RNF135: variants seen among roughly 807,000 people sequenced by gnomAD.
The protein encoded by RNF135 is E3 ubiquitin-protein ligase RNF135.
RNF135 carries 46 observed loss-of-function variants against 41.9 expected under a neutral mutation model. The ratio of observed to expected loss-of-function variants is 1.10; its 90% CI spans 0.87 to 1.40. RNF135 has a LOEUF of 1.40. Ranked by LOEUF, RNF135 falls within the 40% of genes most tolerant of loss-of-function variation. RNF135 has a pLI of 0.00. For synonymous variants in RNF135, 238 were observed against 223.8 expected (o/e 1.06, Z -0.57); for missense variants, 539 against 549.8 (o/e 0.98, Z 0.20).
At position 30,993,153 on chromosome 17, in the gene RNF135, C is replaced by G. The variant is rs753912024; in HGVS notation, c.680-4089C>G. On this transcript the variant is annotated intron_variant, in intron 3 of 4. Transcript: ENST00000328381. ...TCGGCTCACCACAACCTCCGCCTCC[C>G]GGGTTCAAGCAATTCTCCTGCCTCA... Among the ~76,000 whole-genome samples the G allele has an allele frequency of 5.5e-4, 84 of 151,540 alleles. 1 individual carries two copies. The highest frequency in any genetic ancestry group is 9.9e-4 in the Admixed American group (15 of 15,204).
intron 1 of RNF135, among the ~76,000 whole-genome samples, chr17:30,978,066 T>TG (rs1240581763): frequency 1.3e-5 from 2 of 152,238 alleles, no homozygotes; most frequent in African/African-American, 4.8e-5. Context: ...CACTTTCTCC[T>TG]GGCCTATAAG....
upstream of RNF135, chr17:30,970,753 G>C (rs1446733589): frequency 2.4e-6 from 1 of 411,202 alleles, no homozygotes; most frequent in Non-Finnish European, 4.4e-6. Flanking sequence ...GACATCCAAC[G>C]GTGCTGCATC....
At chr17:30,984,219 C>A (rs1441508598) in intron 1 of RNF135, among the ~76,000 whole-genome samples, 1 of 152,102 alleles carries the variant, frequency 6.6e-6, no homozygotes, top group African/African-American at 2.4e-5. Flanking sequence ...TACAATAAAT[C>A]ATTGCCAAAT....
At chr17:30,968,408 CAG>C (rs1347978570), upstream of RNF135, among the ~76,000 whole-genome samples, 2 of 148,296 alleles carry the variant, frequency 1.3e-5, no homozygotes, top group Non-Finnish European at 3.0e-5. Flanking sequence ...TCTTTTGAGA[CAG>C]AGTCTTGCTC....
rs537909547 is a variant in RNF135 at position 30,971,600 on chromosome 17, G to A, written c.372+155G>A. 2.9e-5 allele frequency: 40 copies of A among 1,356,336 alleles called. No individual in the cohort carries two copies. The South Asian group carries it at 6.6e-4, about 22-fold the overall frequency. 84.0% of individuals were successfully genotyped at this position (1,356,336 alleles called of 1,614,324 possible). On this transcript the variant is annotated intron_variant, in intron 1 of 4. Coordinates refer to ENST00000328381, the MANE Select transcript of RNF135 (RefSeq NM_032322.4). ...AGTTCCGCTCTTCGGAGGCACTTTG[G>A]AAAGTTCATAAAAGTATGAAGAAGT...
chr17:30,987,822 T>C (rs1439521830), intron 2 of RNF135, 122 bp from the exon 3 acceptor site: 1 of 1,017,342 alleles, frequency 9.8e-7, no homozygotes, highest in African/African-American at 1.6e-5. Context: ...CCTAATTTTG[T>C]TTTTAAAAAC....
intron 3 of RNF135, among the ~76,000 whole-genome samples, chr17:30,989,199 G>T (rs1421593435): frequency 1.3e-5 from 2 of 151,704 alleles, no homozygotes; most frequent in African/African-American, 4.8e-5. Flanking sequence ...GAGAGATCCT[G>T]TCTCTACAAA....
the RNF135 span, among the ~76,000 whole-genome samples, chr17:30,963,851 C>G: frequency 4.6e-5 from 7 of 152,110 alleles, no homozygotes; most frequent in African/African-American, 1.7e-4. Flanking sequence ...TGTGATGGCT[C>G]ATGTCTATAA....
At chr17:30,973,885 G>A (rs889819568) in intron 1 of RNF135, among the ~76,000 whole-genome samples, 4 of 152,158 alleles carry the variant, frequency 2.6e-5, no homozygotes, top group African/African-American at 9.7e-5. Flanking sequence ...AAATCCAATT[G>A]TCTTGGTACC....
At position 30,996,159 on chromosome 17, in the gene RNF135, G is replaced by A. The variant is rs947289026; in HGVS notation, c.680-1083G>A. Among the ~76,000 whole-genome samples, 7 of 145,688 alleles carry A rather than the reference G, an allele frequency of 4.8e-5. No homozygotes were observed. The South Asian group carries it at 1.1e-3, about 22-fold the overall frequency. ...AGGCTGGAGTCAGTGGTGCGATCTCGGCTGACTGCAAACTCCGCCTCCCAG... is the reference window on the plus strand; with the variant it reads ...AGGCTGGAGTCAGTGGTGCGATCTCAGCTGACTGCAAACTCCGCCTCCCAG... On this transcript the variant is annotated intron_variant, in intron 3 of 4. Transcript: ENST00000328381.
At chr17:30,986,699 G>A (rs1249755448) in intron 2 of RNF135, among the ~76,000 whole-genome samples, 1 of 152,190 alleles carries the variant, frequency 6.6e-6, no homozygotes, top group East Asian at 1.9e-4. Flanking sequence ...CCTTGGGCAA[G>A]TCATTTCATC....
chr17:30,997,216 C>G (rs759718637), intron 3 of RNF135, 26 bp from the exon 4 acceptor site: 1 of 1,592,562 alleles, frequency 6.3e-7, no homozygotes, highest in Admixed American at 1.7e-5. Flanking sequence ...ATGGGACTTT[C>G]CTCTGTTAAT....
chr17:30,976,115 C>T (rs1354818762), intron 1 of RNF135, among the ~76,000 whole-genome samples: 2 of 152,182 alleles, frequency 1.3e-5, no homozygotes, highest in Non-Finnish European at 2.9e-5. Context: ...AAGTGATTCT[C>T]CTGCCTCAGT....
chr17:30,960,179 G>A, the RNF135 span, among the ~76,000 whole-genome samples: 1 of 151,866 alleles, frequency 6.6e-6, no homozygotes, highest in African/African-American at 2.4e-5. Flanking sequence ...AGATCATGAG[G>A]TCAGGAGATC....
the RNF135 span, among the ~76,000 whole-genome samples, chr17:30,965,771 G>A: frequency 6.6e-6 from 1 of 151,822 alleles, no homozygotes; most frequent in Non-Finnish European, 1.5e-5. Flanking sequence ...GTGGGCAGGG[G>A]ACTAGGGGAT....
At chr17:30,980,655 C>G (rs1314436000) in intron 1 of RNF135, among the ~76,000 whole-genome samples, 2 of 134,742 alleles carry the variant, frequency 1.5e-5, no homozygotes, top group Non-Finnish European at 3.2e-5. Flanking sequence ...ACGGAGCGGC[C>G]GGGCAGAGAC....
chr17:30,963,935 C>T, the RNF135 span, among the ~76,000 whole-genome samples: 1 of 151,974 alleles, frequency 6.6e-6, no homozygotes, highest in African/African-American at 2.4e-5. Flanking sequence ...GACAGCATAG[C>T]GTTCAAGATC....
At chr17:30,966,048 T>G (rs543749844), upstream of RNF135, among the ~76,000 whole-genome samples, 6 of 152,356 alleles carry the variant, frequency 3.9e-5, no homozygotes, top group African/African-American at 1.4e-4. Flanking sequence ...TGTCAACATC[T>G]CAGCAGAATT....
rs1194895053 is a variant in RNF135 at position 30,971,448 on chromosome 17, A to G, written c.372+3A>G. 10 of 1,498,648 alleles carry G rather than the reference A, an allele frequency of 6.7e-6. No homozygotes were observed. The East Asian group carries it at 2.5e-4, about 37-fold the overall frequency. 92.8% of individuals were successfully genotyped at this position (1,498,648 alleles called of 1,614,324 possible). A position where few individuals can be genotyped will look rare whatever the true frequency, so the allele number is the denominator to read the frequency against. On this transcript the variant is annotated splice_donor_region_variant and intron_variant, in intron 1 of 4. Transcript: ENST00000328381. Reference sequence around the variant, plus strand: ...GGCGCCGCCCGGAACTGCAGCGGGTAGGGAGGCCGGGCCCGCAGCTCCCCT... The same window carrying G: ...GGCGCCGCCCGGAACTGCAGCGGGTGGGGAGGCCGGGCCCGCAGCTCCCCT...
Sources: gnomAD v4.1 joint callset for allele counts (sites outside exome capture counted in the v4.1 genomes callset) on GRCh38, gnomAD v4.1.1 for gene constraint, MANE v1.5 for transcripts, NCBI Gene and HGNC (gene_info 2026-07-23, HGNC 2026-07-21) for gene names.